The following SH3RF3 variants were observed in gnomAD, a reference collection of about 807,000 sequenced individuals.
SH3RF3 encodes E3 ubiquitin-protein ligase SH3RF3.
A neutral mutation model predicts 66.3 loss-of-function variants in SH3RF3; 29 were observed. The ratio of observed to expected loss-of-function variants is 0.44; its 90% CI spans 0.33 to 0.60. The LOEUF (loss-of-function observed/expected upper bound fraction) is 0.60, where lower values mean the gene tolerates loss of function less well. Among genes scored for constraint, SH3RF3 ranks in the 20% least tolerant of loss-of-function variants. SH3RF3 has a pLI of 0.04. For synonymous variants in SH3RF3, 583 were observed against 532.0 expected, an observed-to-expected ratio of 1.10 and a Z score of -1.32; for missense variants, 1,194 against 1,190.9, an observed-to-expected ratio of 1.00 and a Z score of -0.04.
chr2:109,347,686 C>A lies in SH3RF3; in HGVS notation c.586C>A (p.Leu196Ile). The change falls in exon 2 of 10, where the codon CTT (leucine) becomes ATT (isoleucine). Residue 196 changes from leucine to isoleucine, a missense_variant. Leu to Ile is a conservative substitution (Grantham distance 5). Transcript: ENST00000309415. ...CTGTTGCTTGCAGAATCCCTGCCTG[C>A]TTCCCTATGGCAAGGCCCTCTACAG... ...TAPAAKNPCLLPYGKALYSYE... is the reference protein window; with the variant it reads ...TAPAAKNPCLIPYGKALYSYE... 1.2e-6 allele frequency: 2 copies of A among 1,613,504 alleles called. No individual in the cohort carries two copies. Among genetic ancestry groups the A allele is most frequent in the Non-Finnish European group, 1.7e-6 (2 of 1,179,558 alleles).
intron 1 of SH3RF3, among the ~76,000 whole-genome samples, chr2:109,342,980 A>G (rs1195754114): frequency 6.6e-6 from 1 of 152,144 alleles, no homozygotes; most frequent in Non-Finnish European, 1.5e-5. Context: ...AGCCCAAATA[A>G]TGGCGGCTTA....
chr2:109,475,555 C>T (rs115031375), intron 8 of SH3RF3, among the ~76,000 whole-genome samples: 1,542 of 152,316 alleles, frequency 0.01, 33 homozygotes, highest in African/African-American at 0.035. Context: ...GGACATATGC[C>T]ACAGAGGCTG....
At chr2:109,211,560 C>T (rs890168329) in intron 1 of SH3RF3, among the ~76,000 whole-genome samples, 1 of 152,146 alleles carries the variant, frequency 6.6e-6, no homozygotes, top group Non-Finnish European at 1.5e-5. Context: ...TGTCACAGAG[C>T]AGGCAGCTAC....
At chr2:109,495,977 C>T (rs1679247835) in intron 9 of SH3RF3, among the ~76,000 whole-genome samples, 1 of 152,226 alleles carries the variant, frequency 6.6e-6, no homozygotes, top group Admixed American at 6.5e-5. Context: ...CGTGGTCTCA[C>T]TGACTTCAAG....
chr2:109,378,856 C>T (rs977102897), intron 3 of SH3RF3, among the ~76,000 whole-genome samples: 19 of 152,196 alleles, frequency 1.2e-4, no homozygotes, highest in Admixed American at 5.9e-4. Flanking sequence ...AGTTCTTTCC[C>T]CAGTGCTGGA....
intron 1 of SH3RF3, among the ~76,000 whole-genome samples, chr2:109,144,904 G>C (rs1677055912): frequency 6.6e-6 from 1 of 152,234 alleles, no homozygotes; most frequent in Non-Finnish European, 1.5e-5. Flanking sequence ...GAGCTGGGGT[G>C]CTGGGGCGGT....
chr2:109,308,218 C>G (rs1263587090), intron 1 of SH3RF3, among the ~76,000 whole-genome samples: 7 of 130,306 alleles, frequency 5.4e-5, no homozygotes, highest in Admixed American at 1.5e-4. Flanking sequence ...GCATAAATGT[C>G]TTCTTTTGAG....
rs547890338 is a variant in SH3RF3, at chr2:109,343,432, TG to T, written c.574-4241del. ...AAAGGTTCATTCCCCCTCTTGGTTT[TG>T]CTCTGTCCAATCTGAGTCTGGCAGT... is the stretch of plus-strand genomic sequence containing the variant. On this transcript the variant is annotated intron_variant, in intron 1 of 9. Transcript: ENST00000309415. 1.3e-3 allele frequency among the ~76,000 whole-genome samples: 198 copies of T among 152,282 alleles called. 1 individual carries two copies. The highest frequency in any genetic ancestry group is 4.4e-3 in the African/African-American group (183 of 41,572).
intron 8 of SH3RF3, among the ~76,000 whole-genome samples, chr2:109,457,718 A>G (rs1678099711): frequency 6.6e-6 from 1 of 152,212 alleles, no homozygotes; most frequent in South Asian, 2.1e-4. Context: ...TTCAACTGAT[A>G]TATTCTCACA....
chr2:109,207,563 A>T (rs565240376), intron 1 of SH3RF3, among the ~76,000 whole-genome samples: 1 of 152,298 alleles, frequency 6.6e-6, no homozygotes, highest in African/African-American at 2.4e-5. Flanking sequence ...ACAAAATGTT[A>T]TTTGTGTGCT....
intron 8 of SH3RF3, among the ~76,000 whole-genome samples, chr2:109,473,187 G>T (rs1413440967): frequency 1.3e-5 from 2 of 152,106 alleles, no homozygotes; most frequent in Non-Finnish European, 2.9e-5. Flanking sequence ...TCCCAGGGAA[G>T]CGGCTTCCTG....
At chr2:109,192,113 G>T (rs1678381707) in intron 1 of SH3RF3, among the ~76,000 whole-genome samples, 2 of 152,086 alleles carry the variant, frequency 1.3e-5, no homozygotes, top group African/African-American at 4.8e-5. Context: ...GTTAATTTTG[G>T]ACTCAGAGTT....
In SH3RF3 at chr2:109,371,642, G is replaced by A. The variant is rs1683275277; in HGVS notation, c.906G>A (p.Leu302=). 1.2e-6 allele frequency: 2 copies of A among 1,614,026 alleles called. No homozygotes were observed. The highest frequency in any genetic ancestry group is 1.3e-5 in the African/African-American group (1 of 75,054). ...ATGAGAACTGGGCGGAAGGCATGCT[G>A]GGAGACAAGATCGGGATCTTCCCGC... ...RVDENWAEGM[L]GDKIGIFPLL... Residue 302 remains leucine (L), a synonymous_variant, in exon 3 of 10, where the codon CTG becomes CTA. Transcript: ENST00000309415.
At position 109,501,774 on chromosome 2, in the gene SH3RF3, C is replaced by T. The variant is rs1573302187; in HGVS notation, c.*103C>T. On this transcript the variant is annotated 3_prime_UTR_variant, in exon 10 of 10. Coordinates refer to ENST00000309415, the MANE Select transcript of SH3RF3 (RefSeq NM_001099289.3). ...TGGCGCCCCAAGGGTTCCAGGTCAT[C>T]TCCAAGGCACCTGGCGGGGGATACC... 3 of 639,288 alleles carry T rather than the reference C, an allele frequency of 4.7e-6. No individual in the cohort carries two copies. In the East Asian group the frequency reaches 8.2e-5, roughly 17 times the overall value. 39.6% of individuals were successfully genotyped at this position (639,288 alleles called of 1,614,324 possible).
At chr2:109,398,146 TCTC>T (rs976163001) in intron 3 of SH3RF3, among the ~76,000 whole-genome samples, 4 of 152,164 alleles carry the variant, frequency 2.6e-5, no homozygotes, top group African/African-American at 4.8e-5. Flanking sequence ...TGCTTTGAAA[TCTC>T]CTCCGGGGAC....
At chr2:109,399,643 G>A (rs922947930) in intron 4 of SH3RF3, among the ~76,000 whole-genome samples, 2 of 152,118 alleles carry the variant, frequency 1.3e-5, no homozygotes, top group African/African-American at 4.8e-5. Flanking sequence ...AAAATAAAAT[G>A]ATTAAAAAAA....
rs1210969189 is a variant in SH3RF3, at chr2:109,490,874, C to T, written c.2418C>T (p.Ser806=). ...GSLDLNFTSP[S]RQAPLSMAAI... is the part of the protein sequence containing the mutation. ...TGGATCTAAACTTCACATCTCCTTC[C>T]CGGCAAGCTCCGCTGTCCATGGCTG... The change falls in exon 9 of 10, where the codon TCC becomes TCT. Residue 806 remains serine, a synonymous_variant. Transcript: ENST00000309415. The T allele has an allele frequency of 6.5e-7, 1 of 1,532,896 alleles. No individual in the cohort carries two copies. Among genetic ancestry groups the T allele is most frequent in the Non-Finnish European group, 8.7e-7 (1 of 1,144,084 alleles). 95.0% of individuals were successfully genotyped at this position (1,532,896 alleles called of 1,614,324 possible).
chr2:109,378,133 T>A (rs1443655783), intron 3 of SH3RF3, among the ~76,000 whole-genome samples: 2 of 152,156 alleles, frequency 1.3e-5, no homozygotes, highest in Non-Finnish European at 2.9e-5. Flanking sequence ...AAGGGAAGTA[T>A]CCCAGGTGCT....
intron 1 of SH3RF3, among the ~76,000 whole-genome samples, chr2:109,149,930 C>T (rs1183538278): frequency 6.6e-6 from 1 of 152,106 alleles, no homozygotes; most frequent in Non-Finnish European, 1.5e-5. Context: ...CAGCTGTGTT[C>T]TTTTATTAAA....
Sources: gnomAD v4.1 joint callset for allele counts (sites outside exome capture counted in the v4.1 genomes callset) on GRCh38, gnomAD v4.1.1 for gene constraint, MANE v1.5 for transcripts, NCBI Gene and HGNC (gene_info 2026-07-23, HGNC 2026-07-21) for gene names.